The following EP400 variants were observed in gnomAD, a reference collection of about 807,000 sequenced individuals.
EP400 encodes the protein E1A-binding protein p400.
In EP400, 105 loss-of-function variants were observed where a neutral mutation model predicts 354.1. The observed-to-expected ratio is 0.30, with a 90% CI of 0.25 to 0.35. EP400 has a LOEUF of 0.35. Ranked by LOEUF, EP400 falls within the 10% of genes least tolerant of loss-of-function variation. The pLI, the probability that EP400 is intolerant of heterozygous loss-of-function variation, is 1.00. For missense variants in EP400, 3,280 were observed against 4,121.0 expected, an observed-to-expected ratio of 0.80 and a Z score of 5.59; for synonymous variants, 1,646 against 1,716.9, an observed-to-expected ratio of 0.96 and a Z score of 1.02.
intron 2 of EP400, among the ~76,000 whole-genome samples, chr12:131,968,907 A>G (rs1037828034): frequency 1.1e-4 from 17 of 152,340 alleles, no homozygotes; most frequent in African/African-American, 4.1e-4. Context: ...ACATTCTGCA[A>G]CCTTGCTAAA....
Position 132,044,832 on chromosome 12 carries a change from C to T in EP400, c.6663C>T (p.Asp2221=). Residue 2221 remains aspartate (D), a synonymous_variant, in exon 37 of 53, where the codon GAC becomes GAT. Coordinates refer to ENST00000389561, the MANE Select transcript of EP400 (RefSeq NM_015409.5). ...CCCCACCCACCCCGCCGCAGGACGA[C>T]AGCGACATCTACCTCGACTCGGTCA... ...LWTPPTPPQD[D]SDIYLDSVMC... is the part of the protein sequence containing the mutation. 6.2e-7 allele frequency: 1 copy of T among 1,614,178 alleles called. No homozygotes were observed. The highest frequency in any genetic ancestry group is 8.5e-7 in the Non-Finnish European group (1 of 1,180,036).
At chr12:131,997,222 C>T (rs1893244340) in intron 12 of EP400, among the ~76,000 whole-genome samples, 1 of 151,872 alleles carries the variant, frequency 6.6e-6, no homozygotes, top group South Asian at 2.1e-4. Context: ...GAAGCCTTAT[C>T]AATAACATGA....
intron 47 of EP400, among the ~76,000 whole-genome samples, chr12:132,063,388 C>G (rs1468959619): frequency 6.6e-6 from 1 of 152,134 alleles, no homozygotes; most frequent in Admixed American, 6.5e-5. Flanking sequence ...TGGCGGGTGC[C>G]TGTAATCCCA....
chr12:132,061,288 G>C (rs1456827927), intron 45 of EP400, among the ~76,000 whole-genome samples: 1 of 152,230 alleles, frequency 6.6e-6, no homozygotes, highest in African/African-American at 2.4e-5. Context: ...AGGGACATTG[G>C]TGAGGAAAGA....
chr12:131,954,733 A>AC (rs1188917337), intron 1 of EP400, among the ~76,000 whole-genome samples: 14 of 150,724 alleles, frequency 9.3e-5, no homozygotes, highest in African/African-American at 3.4e-4. Context: ...TCAGAAAAAA[A>AC]AAAAAAAAAA....
chr12:132,037,478 C>T (rs1894757622), intron 30 of EP400, among the ~76,000 whole-genome samples: 1 of 152,290 alleles, frequency 6.6e-6, no homozygotes, highest in African/African-American at 2.4e-5. Context: ...GGAGGGGCCT[C>T]CTGTCAGCTC....
At chr12:131,988,941 G>A (rs1015077247) in intron 7 of EP400, among the ~76,000 whole-genome samples, 3 of 152,332 alleles carry the variant, frequency 2.0e-5, no homozygotes, top group African/African-American at 4.8e-5. Context: ...GGTGAGAACC[G>A]TGGGGTTCTG....
In EP400 at chr12:131,964,415, C is replaced by T. The variant is rs563608752; in HGVS notation, c.1335+2461C>T. On this transcript the variant is annotated intron_variant, in intron 2 of 52. Coordinates refer to ENST00000389561, the MANE Select transcript of EP400 (RefSeq NM_015409.5). ...CTGGGAGGCGGAGGTTGCAGTGAGCCGAGATTGTGTCACTGCACTCCAGCC... is the reference window on the plus strand; with the variant it reads ...CTGGGAGGCGGAGGTTGCAGTGAGCTGAGATTGTGTCACTGCACTCCAGCC... Among the ~76,000 whole-genome samples the T allele has an allele frequency of 2.6e-4, 40 of 152,160 alleles. 2 individuals carry two copies. In the South Asian group the frequency reaches 7.5e-3, roughly 28 times the overall value.
Position 132,013,957 on chromosome 12 carries a change from C to A in EP400, c.3923+44C>A, listed in dbSNP as rs779040858. The stretch of plus-strand genomic sequence containing the variant: ...CATGTGCCCCCTTTGCTGTCCCTGC[C>A]TGTGAGGGAAAACGGCCCTTTCTGT... On this transcript the variant is annotated intron_variant, in intron 19 of 52. Transcript: ENST00000389561. The surrounding 1 kb of genome is among the most constrained non-coding windows in gnomAD (Gnocchi z 4.5). The A allele has an allele frequency of 6.2e-7, 1 of 1,600,206 alleles. No individual in the cohort carries two copies. Among genetic ancestry groups the A allele is most frequent in the South Asian group, 1.1e-5 (1 of 88,918 alleles).
chr12:132,021,074 TGCA>T lies in EP400; in HGVS notation c.4455_4457del. ...CTTTGCACAAACAAACCTTATCGATTGCAGCAGCAGCAGCCCCGTTTCAGACCT... is the reference window on the plus strand; with the variant it reads ...CTTTGCACAAACAAACCTTATCGATTGCAGCAGCAGCCCCGTTTCAGACCT... On this transcript the variant is annotated splice_acceptor_variant and splice_polypyrimidine_tract_variant and intron_variant, in intron 22 of 52. Transcript: ENST00000389561. LOFTEE classifies it high-confidence loss of function. 12 of 1,590,990 alleles carry T rather than the reference TGCA, an allele frequency of 7.5e-6. No individual in the cohort carries two copies. Among genetic ancestry groups the T allele is most frequent in the African/African-American group, 1.3e-5 (1 of 74,448 alleles).
chr12:132,074,862 G>A (rs1355906573), intron 51 of EP400, among the ~76,000 whole-genome samples: 1 of 152,202 alleles, frequency 6.6e-6, no homozygotes, highest in Non-Finnish European at 1.5e-5. Context: ...AGGCCTCGCA[G>A]AGTGAGTGAG....
Position 132,018,237 on chromosome 12 carries a change from A to C in EP400, c.4138A>C (p.Ile1380Leu), listed in dbSNP as rs745319419. 6.2e-7 allele frequency: 1 copy of C among 1,613,032 alleles called. No individual in the cohort carries two copies. The highest frequency in any genetic ancestry group is 1.1e-5 in the South Asian group (1 of 90,936). Residue 1380 changes from isoleucine (I) to leucine (L), a missense_variant, in exon 21 of 53, where the codon ATC (isoleucine) becomes CTC (leucine). Coordinates refer to ENST00000389561, the MANE Select transcript of EP400 (RefSeq NM_015409.5). The surrounding 1 kb of genome is among the most constrained non-coding windows in gnomAD (Gnocchi z 4.0). Reference protein sequence around the residue: ...KEADLSMFDLIGLENKITRHE... With the variant: ...KEADLSMFDLLGLENKITRHE... The stretch of plus-strand genomic sequence containing the variant: ...AGCAGATCTTTCTATGTTTGATCTC[A>C]TCGGCTTAGAAAATAAAATCACTCG...
intron 15 of EP400, 107 bp from the exon 16 acceptor site, chr12:132,011,391 A>G (rs867511694): frequency 1.2e-5 from 16 of 1,384,892 alleles, no homozygotes; most frequent in Non-Finnish European, 1.5e-5. Flanking sequence ...GCGATGGCTC[A>G]TGTGACACAT....
intron 1 of EP400, among the ~76,000 whole-genome samples, chr12:131,953,306 CTTA>C (rs1157082814): frequency 6.6e-6 from 1 of 152,130 alleles, no homozygotes; most frequent in East Asian, 1.9e-4. Flanking sequence ...GATTTATAAC[CTTA>C]TTATTTGGTG....
At chr12:131,987,674 G>A (rs1892897141) in intron 6 of EP400, 31 bp from the exon 7 acceptor site, 2 of 1,530,554 alleles carry the variant, frequency 1.3e-6, no homozygotes, top group East Asian at 2.4e-5. Context: ...ATCACATGCC[G>A]ACCCCACCAT....
chr12:131,979,940 C>A, intron 3 of EP400, 147 bp downstream of exon 3: 1 of 572,844 alleles, frequency 1.7e-6, no homozygotes, highest in Non-Finnish European at 2.9e-6. Context: ...TGATTATCAG[C>A]TGAACAATAT....
At chr12:131,966,562 CAAAAAAAAA>C (rs534384776) in intron 2 of EP400, among the ~76,000 whole-genome samples, 3 of 57,494 alleles carry the variant, frequency 5.2e-5, no homozygotes, top group Admixed American at 2.0e-4. Context: ...TACCCTACCT[CAAAAAAAAA>C]AAAAAAAAAA....
At chr12:132,014,405 CTCTG>C (rs1216371457) in intron 19 of EP400, among the ~76,000 whole-genome samples, 2 of 152,194 alleles carry the variant, frequency 1.3e-5, no homozygotes, top group Non-Finnish European at 2.9e-5. Flanking sequence ...GCCGCTGTGC[CTCTG>C]TCTGGCAGGG....
At chr12:131,957,522 TTTC>T (rs1269624493) in intron 1 of EP400, among the ~76,000 whole-genome samples, 3 of 150,120 alleles carry the variant, frequency 2.0e-5, no homozygotes, top group African/African-American at 7.3e-5. Flanking sequence ...TTTTTCTTTC[TTTC>T]TTTTTTTTTT....
Sources: gnomAD v4.1 joint callset for allele counts (sites outside exome capture counted in the v4.1 genomes callset) on GRCh38, gnomAD v4.1.1 for gene constraint, Gnocchi (gnomAD v3.1) non-coding constraint, MANE v1.5 for transcripts, NCBI Gene and HGNC (gene_info 2026-07-23, HGNC 2026-07-21) for gene names.